NKAIN2: variants seen among roughly 807,000 people sequenced by gnomAD.
NKAIN2 encodes the protein sodium/potassium-transporting ATPase subunit beta-1-interacting protein 2.
NKAIN2 carries 14 observed loss-of-function variants against 32.6 expected under a neutral mutation model. The observed-to-expected ratio is 0.43, with a 90% CI of 0.28 to 0.67. NKAIN2 has a LOEUF of 0.67. Among genes scored for constraint, NKAIN2 ranks in the 30% least tolerant of loss-of-function variants. The pLI, the probability that NKAIN2 is intolerant of heterozygous loss-of-function variation, is 0.17. For synonymous variants in NKAIN2, 80 were observed against 87.2 expected, an observed-to-expected ratio of 0.92 and a Z score of 0.46; for missense variants, 198 against 258.3, an observed-to-expected ratio of 0.77 and a Z score of 1.60.
chr6:124,095,025 TA>T (rs1461184995), intron 1 of NKAIN2, among the ~76,000 whole-genome samples: 3 of 152,106 alleles, frequency 2.0e-5, no homozygotes, highest in African/African-American at 7.2e-5. Context: ...ATTGAGACAT[TA>T]AAAAATATGT....
intron 1 of NKAIN2, among the ~76,000 whole-genome samples, chr6:124,212,475 C>G (rs1247801561): frequency 6.6e-6 from 1 of 151,960 alleles, no homozygotes; most frequent in African/African-American, 2.4e-5. Flanking sequence ...GTATTCTCAC[C>G]TAGGAATTGG....
At chr6:124,232,191 G>A (rs1792497601) in intron 1 of NKAIN2, among the ~76,000 whole-genome samples, 1 of 152,130 alleles carries the variant, frequency 6.6e-6, no homozygotes, top group African/African-American at 2.4e-5. Context: ...AAGCTTTCTT[G>A]TGACCCAGCT....
intron 1 of NKAIN2, among the ~76,000 whole-genome samples, chr6:124,082,135 T>C (rs1323346473): frequency 6.6e-6 from 1 of 151,966 alleles, no homozygotes; most frequent in African/African-American, 2.4e-5. Flanking sequence ...AACCATAGCA[T>C]GGTGGTGGGC....
At chr6:124,630,219 TAA>T (rs749455668) in intron 3 of NKAIN2, among the ~76,000 whole-genome samples, 8 of 152,096 alleles carry the variant, frequency 5.3e-5, no homozygotes, top group Non-Finnish European at 8.8e-5. Flanking sequence ...AATACTGTGA[TAA>T]AGTTATAAAG....
At chr6:123,905,025 A>G (rs1172933987) in intron 1 of NKAIN2, among the ~76,000 whole-genome samples, 2 of 152,210 alleles carry the variant, frequency 1.3e-5, no homozygotes, top group Admixed American at 1.3e-4. Context: ...ATTCTATAAT[A>G]TTTTGAAAAA....
At chr6:123,804,526 A>T (rs1204677405) in intron 1 of NKAIN2, among the ~76,000 whole-genome samples, 1 of 152,166 alleles carries the variant, frequency 6.6e-6, no homozygotes, top group African/African-American at 2.4e-5. Context: ...GAAAAGCAAG[A>T]TGTAGCTCTT....
chr6:124,177,378 T>G (rs916381529), intron 1 of NKAIN2, among the ~76,000 whole-genome samples: 1 of 152,196 alleles, frequency 6.6e-6, no homozygotes, highest in African/African-American at 2.4e-5. Flanking sequence ...GCATGATTTC[T>G]TTTAAACTTC....
Position 124,144,224 on chromosome 6 carries a change from C to T in NKAIN2, c.55-138781C>T, listed in dbSNP as rs1787278530. Among the ~76,000 whole-genome samples the T allele has an allele frequency of 2.0e-5, 3 of 152,000 alleles. No homozygotes were observed. In the South Asian group the frequency reaches 6.2e-4, roughly 32 times the overall value. ...AAATGGCCCAAATATTCTAGAAATT[C>T]CTAAAGAAGAAGGGAGATTTTGTCC... is the stretch of plus-strand genomic sequence containing the variant. On this transcript the variant is annotated intron_variant, in intron 1 of 6. Transcript: ENST00000368417.
At chr6:123,923,340 CT>C (rs891076154) in intron 1 of NKAIN2, among the ~76,000 whole-genome samples, 3 of 150,882 alleles carry the variant, frequency 2.0e-5, no homozygotes, top group Admixed American at 2.0e-4. Context: ...ACATCTGTAA[CT>C]TTTCACTATA....
At chr6:123,808,227 A>G (rs1370957970) in intron 1 of NKAIN2, among the ~76,000 whole-genome samples, 6 of 152,150 alleles carry the variant, frequency 3.9e-5, no homozygotes, top group Non-Finnish European at 8.8e-5. Flanking sequence ...TCAGAAGTTT[A>G]TAACTTTATC....
intron 3 of NKAIN2, among the ~76,000 whole-genome samples, chr6:124,439,733 A>ATATATGAATTATATATAACTGCATT (rs1291532647): frequency 6.6e-6 from 1 of 152,012 alleles, no homozygotes; most frequent in Non-Finnish European, 1.5e-5. Context: ...AGCCTTGTTT[A>ATATATGAATTATATATAACTGCATT]TCACATGAAT....
chr6:124,677,007 C>T (rs1015597643), intron 4 of NKAIN2, among the ~76,000 whole-genome samples: 4 of 152,000 alleles, frequency 2.6e-5, no homozygotes, highest in South Asian at 2.1e-4. Context: ...CTCGCTCTGT[C>T]GCCCAGACTG....
chr6:123,827,365 G>A (rs903748585), intron 1 of NKAIN2, among the ~76,000 whole-genome samples: 4 of 152,008 alleles, frequency 2.6e-5, no homozygotes, highest in Non-Finnish European at 4.4e-5. Flanking sequence ...GAACAACTCT[G>A]GAATAACTTT....
intron 3 of NKAIN2, among the ~76,000 whole-genome samples, chr6:124,408,912 C>T (rs1361983675): frequency 6.6e-6 from 1 of 152,152 alleles, no homozygotes; most frequent in Non-Finnish European, 1.5e-5. Flanking sequence ...TGGTCTTTCA[C>T]ATCCCTTGTA....
At chr6:124,276,769 G>C (rs986917250) in intron 1 of NKAIN2, among the ~76,000 whole-genome samples, 18 of 152,060 alleles carry the variant, frequency 1.2e-4, no homozygotes, top group African/African-American at 4.3e-4. Context: ...CAACTTTCTT[G>C]GTCATTGGCT....
At chr6:124,526,804 T>A (rs1033182665) in intron 3 of NKAIN2, among the ~76,000 whole-genome samples, 1 of 152,184 alleles carries the variant, frequency 6.6e-6, no homozygotes, top group African/African-American at 2.4e-5. Context: ...TTATTTTTTT[T>A]ACATCACTAT....
chr6:124,363,172 T>A (rs1184596831), intron 3 of NKAIN2, among the ~76,000 whole-genome samples: 1 of 152,142 alleles, frequency 6.6e-6, no homozygotes. Flanking sequence ...CCTTATAAAT[T>A]GACCATGAGA....
At chr6:124,659,127 A>T (rs1311938923) in intron 4 of NKAIN2, among the ~76,000 whole-genome samples, 1 of 152,190 alleles carries the variant, frequency 6.6e-6, no homozygotes, top group Non-Finnish European at 1.5e-5. Context: ...GCATAATATC[A>T]TGAGATGTAT....
chr6:124,391,753 T>G (rs529309889), intron 3 of NKAIN2, among the ~76,000 whole-genome samples: 1 of 152,148 alleles, frequency 6.6e-6, no homozygotes, highest in South Asian at 2.1e-4. Flanking sequence ...AAAGACCGAG[T>G]CTATTTATAA....
Sources: allele counts gnomAD v4.1 joint callset (sites outside exome capture counted in the v4.1 genomes callset), GRCh38; gene constraint gnomAD v4.1.1; transcripts MANE v1.5; gene names NCBI Gene and HGNC (gene_info 2026-07-23, HGNC 2026-07-21).